The following BLM variants were observed in gnomAD, a reference collection of about 807,000 sequenced individuals.
The protein encoded by BLM is BLM RecQ like helicase.
Under a neutral mutation model 135.3 loss-of-function variants are expected in BLM, and 95 were observed. The observed-to-expected ratio is 0.70, with a 90% CI of 0.59 to 0.83. BLM has a LOEUF of 0.83. Ranked by LOEUF, BLM falls within the 40% of genes least tolerant of loss-of-function variation. The pLI is 0.00. For synonymous variants in BLM, 520 were observed against 589.2 expected (o/e 0.88, Z 1.70); for missense variants, 1,518 against 1,663.9 (o/e 0.91, Z 1.53).
chr15:90,789,290 A>G (rs1023081116), intron 14 of BLM, among the ~76,000 whole-genome samples: 3 of 152,146 alleles, frequency 2.0e-5, no homozygotes, highest in African/African-American at 7.2e-5. Flanking sequence ...AGGAAATCAC[A>G]ATTAAACAAA....
rs569175757 is a variant in BLM, at chr15:90,721,328, T to C, written c.-5+3888T>C. 1.6e-3 allele frequency among the ~76,000 whole-genome samples: 247 copies of C among 152,230 alleles called. 1 individual carries two copies. Among genetic ancestry groups the C allele is most frequent in the Non-Finnish European group, 1.8e-3 (122 of 68,030 alleles). On this transcript the variant is annotated intron_variant, in intron 1 of 21. Coordinates refer to ENST00000355112, the MANE Select transcript of BLM (RefSeq NM_000057.4). ...CTGTTATTTGTTGCTAATTTTTCTTTTCTTTTTTCTTTTTTTGAGATGGAG... is the reference window on the plus strand; with the variant it reads ...CTGTTATTTGTTGCTAATTTTTCTTCTCTTTTTTCTTTTTTTGAGATGGAG...
At chr15:90,744,922 T>G (rs943977148) in intron 1 of BLM, among the ~76,000 whole-genome samples, 27 of 151,774 alleles carry the variant, frequency 1.8e-4, no homozygotes, top group African/African-American at 6.3e-4. Context: ...CATGGTGGTG[T>G]GCACCTGTGG....
rs28363369 is a variant in BLM at position 90,814,324 on chromosome 15, A to C, written c.4077-778A>C. On this transcript the variant is annotated intron_variant, in intron 21 of 21. Transcript: ENST00000355112. ...GCTGCCCACAGCCATCACTGTAAACATGCCGGCCCCATGGTTTTGTTTGTT... is the reference window on the plus strand; with the variant it reads ...GCTGCCCACAGCCATCACTGTAAACCTGCCGGCCCCATGGTTTTGTTTGTT... 0.011 allele frequency among the ~76,000 whole-genome samples: 1,683 copies of C among 152,312 alleles called. 18 individuals are homozygous for C. Among genetic ancestry groups the C allele is most frequent in the Non-Finnish European group, 0.017 (1,125 of 68,024 alleles).
intron 7 of BLM, among the ~76,000 whole-genome samples, chr15:90,761,902 G>C (rs780135137): frequency 1.3e-5 from 2 of 152,120 alleles, no homozygotes; most frequent in South Asian, 2.1e-4. Flanking sequence ...GCCACTGAAG[G>C]CTCCAGAGAA....
At chr15:90,766,416 A>G (rs1896127266) in intron 9 of BLM, among the ~76,000 whole-genome samples, 1 of 152,106 alleles carries the variant, frequency 6.6e-6, no homozygotes, top group Non-Finnish European at 1.5e-5. Context: ...ATTTTGTGTT[A>G]TGCTTTTTTT....
intron 4 of BLM, among the ~76,000 whole-genome samples, chr15:90,752,564 T>C (rs1194269624): frequency 6.6e-6 from 1 of 152,144 alleles, no homozygotes; most frequent in African/African-American, 2.4e-5. Flanking sequence ...GCTAACCCAT[T>C]ATATGGGAAG....
At chr15:90,779,505 A>G (rs1017427479) in intron 12 of BLM, among the ~76,000 whole-genome samples, 1 of 152,158 alleles carries the variant, frequency 6.6e-6, no homozygotes, top group African/African-American at 2.4e-5. Flanking sequence ...TTTCTTCATC[A>G]TTTGTATTCC....
At chr15:90,760,335 G>C (rs1021847762) in intron 6 of BLM, 56 bp downstream of exon 6, 49 of 1,607,814 alleles carry the variant, frequency 3.0e-5, no homozygotes, top group Non-Finnish European at 4.1e-5. Context: ...ACCACTCTAA[G>C]TGAAAAATGG....
At chr15:90,747,811 TTTG>T in intron 2 of BLM, 1 of 318,704 alleles carries the variant, frequency 3.1e-6, no homozygotes, top group Non-Finnish European at 6.0e-6. Flanking sequence ...TTTGTTTTGT[TTTG>T]TTTTTTCTTT....
chr15:90,739,878 C>G (rs1387286064), intron 1 of BLM, among the ~76,000 whole-genome samples: 1 of 152,136 alleles, frequency 6.6e-6, no homozygotes, highest in African/African-American at 2.4e-5. Flanking sequence ...GTCCTCCCAC[C>G]TCAGCTTCCC....
At chr15:90,752,021 C>A (rs759133669) in intron 4 of BLM, 75 bp downstream of exon 4, 519 of 1,297,430 alleles carry the variant, frequency 4.0e-4, no homozygotes, top group Admixed American at 5.8e-4. Context: ...TTTATAATAT[C>A]ATTTCTATAT....
intron 1 of BLM, among the ~76,000 whole-genome samples, chr15:90,736,840 CA>C (rs1284267121): frequency 6.6e-6 from 1 of 151,420 alleles, no homozygotes; most frequent in African/African-American, 2.4e-5. Context: ...GCTTATTTTG[CA>C]AAAAGAAAAA....
chr15:90,736,768 C>A (rs1007443100), intron 1 of BLM, among the ~76,000 whole-genome samples: 2 of 151,824 alleles, frequency 1.3e-5, no homozygotes, highest in African/African-American at 4.8e-5. Context: ...GAATGGAAAG[C>A]GTACATACAG....
chr15:90,803,110 C>CCATG (rs1567062369), intron 17 of BLM, among the ~76,000 whole-genome samples: 1 of 150,880 alleles, frequency 6.6e-6, no homozygotes, highest in Non-Finnish European at 1.5e-5. Flanking sequence ...CTGCAGTGAA[C>CCATG]CATGATTGCA....
intron 20 of BLM, 81 bp downstream of exon 20, chr15:90,809,340 TG>T: frequency 6.3e-7 from 1 of 1,598,084 alleles, no homozygotes; most frequent in Non-Finnish European, 8.6e-7. Context: ...AGGATGCAGT[TG>T]TGTGAATGCT....
At chr15:90,776,295 A>C (rs767055211) in intron 12 of BLM, among the ~76,000 whole-genome samples, 14 of 152,170 alleles carry the variant, frequency 9.2e-5, no homozygotes, top group Non-Finnish European at 1.9e-4. Context: ...ATCGTTATTC[A>C]CTTTACTTTT....
At position 90,794,292 on chromosome 15, in the gene BLM, G is replaced by T. The variant is rs1188753950; in HGVS notation, c.3145G>T (p.Gly1049Ter). Reference protein sequence around the residue: ...IQLLAYFGENGFNPDFCKKHP... With the variant: ...IQLLAYFGEN ...GCTTTTGGCCTACTTTGGTGAAAAT[G>T]GATTTAATCCTGATTTTTGTAAGAA... Residue 1049 changes from glycine (G) to a stop codon, truncating the protein, a stop_gained, in exon 16 of 22, where the codon GGA (glycine) becomes TGA (stop). Transcript: ENST00000355112. LOFTEE classifies it high-confidence loss of function. 1.2e-6 allele frequency: 2 copies of T among 1,606,362 alleles called. No individual in the cohort carries two copies. Among genetic ancestry groups the T allele is most frequent in the Non-Finnish European group, 1.7e-6 (2 of 1,175,978 alleles).
intron 14 of BLM, among the ~76,000 whole-genome samples, chr15:90,788,479 T>G (rs201760464): frequency 0.18 from 26,121 of 144,276 alleles, 1,510 homozygotes; most frequent in Non-Finnish European, 0.21. Flanking sequence ...TTGTTTTTTT[T>G]TTTTTTTTTT....
intron 13 of BLM, among the ~76,000 whole-genome samples, chr15:90,784,701 A>C (rs1215651483): frequency 6.6e-6 from 1 of 151,656 alleles, no homozygotes; most frequent in African/African-American, 2.4e-5. Flanking sequence ...ATCCAGGTCC[A>C]CCTCACGAGT....
Sources: allele counts gnomAD v4.1 joint callset (sites outside exome capture counted in the v4.1 genomes callset), GRCh38; gene constraint gnomAD v4.1.1; transcripts MANE v1.5; gene names NCBI Gene and HGNC (gene_info 2026-07-23, HGNC 2026-07-21).